Variants in ARAP2 observed in about 807,000 individuals in gnomAD.
The protein encoded by ARAP2 is arf-GAP with Rho-GAP domain, ANK repeat and PH domain-containing protein 2.
In ARAP2, 148 loss-of-function variants were observed where a neutral mutation model predicts 194.5. That is an observed-to-expected ratio of 0.76 (90% CI 0.67 to 0.87). The LOEUF (loss-of-function observed/expected upper bound fraction) is 0.87. ARAP2 is among the 40% of genes least tolerant of loss of function. The pLI, the probability that ARAP2 is intolerant of heterozygous loss-of-function variation, is 0.00. For synonymous variants in ARAP2, 695 were observed against 683.5 expected (o/e 1.02, Z -0.26); for missense variants, 2,128 against 1,989.7 (o/e 1.07, Z -1.32).
chr4:36,083,815 C>T (rs1730182624), intron 28 of ARAP2, among the ~76,000 whole-genome samples: 1 of 152,062 alleles, frequency 6.6e-6, no homozygotes, highest in Non-Finnish European at 1.5e-5. Context: ...GGTATTGTTC[C>T]TGGGTGTGTC....
At chr4:36,061,652 T>G (rs1724462438), downstream of ARAP2, among the ~76,000 whole-genome samples, 1 of 152,206 alleles carries the variant, frequency 6.6e-6, no homozygotes, top group African/African-American at 2.4e-5. Flanking sequence ...TTAGATATAC[T>G]TATTTCCTTT....
chr4:36,228,802 A>T lies in ARAP2; in HGVS notation c.685T>A (p.Ser229Thr), dbSNP rs1315832965. The change falls in exon 2 of 33, where the codon TCT becomes ACT. Residue 229 changes from serine (S) to threonine (T), a missense_variant. Coordinates refer to ENST00000303965, the MANE Select transcript of ARAP2 (RefSeq NM_015230.4). ...AATAAACCATTTGTTCCATTTCCAG[A>T]ATTTGTTCCTGATGTTGAACAGCCA... ...FVGCSTSGTN[S>T]GNGTNGLLEG... 2.5e-6 allele frequency: 4 copies of T among 1,614,146 alleles called. No homozygotes were observed. In the East Asian group the frequency reaches 8.9e-5, roughly 36 times the overall value.
intron 32 of ARAP2, among the ~76,000 whole-genome samples, chr4:36,072,556 T>C (rs1727243573): frequency 1.3e-5 from 2 of 151,970 alleles, no homozygotes; most frequent in Non-Finnish European, 2.9e-5. Context: ...TAGTTTCATC[T>C]GTTCAGCCTG....
chr4:36,069,329 T>C (rs1001579826), intron 32 of ARAP2, among the ~76,000 whole-genome samples: 17 of 152,172 alleles, frequency 1.1e-4, no homozygotes, highest in African/African-American at 4.1e-4. Flanking sequence ...CTCTGAAATT[T>C]ATAGGAAGAA....
In ARAP2 at chr4:36,054,974, A is replaced by G. The variant is rs1251519815; in HGVS notation, n.322-2921T>C. On this transcript the variant is annotated intron_variant and non_coding_transcript_variant, in intron 2 of 12. Coordinates refer to the ARAP2 transcript ENST00000503225. ...TTTGCAGTAGTAATTTAAAATGTGTATTGCTAGGAATTCACTATTTAAGTT... is the reference window on the plus strand; with the variant it reads ...TTTGCAGTAGTAATTTAAAATGTGTGTTGCTAGGAATTCACTATTTAAGTT... Among the ~76,000 whole-genome samples, 3 of 152,186 alleles carry G rather than the reference A, an allele frequency of 2.0e-5. No individual in the cohort carries two copies. The South Asian group carries it at 6.2e-4, about 32-fold the overall frequency.
At chr4:36,186,279 A>T (rs1451765734) in intron 8 of ARAP2, among the ~76,000 whole-genome samples, 2 of 152,218 alleles carry the variant, frequency 1.3e-5, no homozygotes, top group Non-Finnish European at 2.9e-5. Flanking sequence ...CAAATAAAAT[A>T]CACAACAGAG....
rs73809145 is a variant in ARAP2, at chr4:36,159,138, C to G, written c.2617+193G>C. Among the ~76,000 whole-genome samples the G allele has an allele frequency of 6.3e-3, 955 of 152,258 alleles. 11 individuals carry two copies. The highest frequency in any genetic ancestry group is 0.022 in the African/African-American group (907 of 41,548). On this transcript the variant is annotated intron_variant, in intron 14 of 32. Coordinates refer to ENST00000303965, the MANE Select transcript of ARAP2 (RefSeq NM_015230.4). ...TCTTACATTTATAAGATTACGGGAACATAAAAGATTGACTTCCTAAACTTT... is the reference window on the plus strand; with the variant it reads ...TCTTACATTTATAAGATTACGGGAAGATAAAAGATTGACTTCCTAAACTTT...
intron 22 of ARAP2, among the ~76,000 whole-genome samples, chr4:36,124,634 A>G (rs1382339890): frequency 6.6e-6 from 1 of 151,906 alleles, no homozygotes; most frequent in African/African-American, 2.4e-5. Context: ...AAACCAAGTG[A>G]GTTTTTAAAT....
intron 26 of ARAP2, among the ~76,000 whole-genome samples, chr4:36,111,381 G>A (rs1036434701): frequency 6.6e-6 from 1 of 151,722 alleles, no homozygotes; most frequent in Non-Finnish European, 1.5e-5. Context: ...CATAACCACA[G>A]GCCCTTCTGT....
chr4:36,043,845 G>GAAGGCAA (rs1560311674), intron 5 of ARAP2, among the ~76,000 whole-genome samples: 1 of 35,912 alleles, frequency 2.8e-5, no homozygotes, highest in Non-Finnish European at 5.4e-5. Flanking sequence ...GGAGGGGAGG[G>GAAGGCAA]GGGAGGGGAG....
At chr4:36,088,319 A>C (rs1712494287) in intron 28 of ARAP2, among the ~76,000 whole-genome samples, 1 of 152,074 alleles carries the variant, frequency 6.6e-6, no homozygotes, top group Non-Finnish European at 1.5e-5. Flanking sequence ...ACACAATTCT[A>C]TCAGATTCAG....
chr4:36,152,488 T>TA (rs956525866), intron 15 of ARAP2, among the ~76,000 whole-genome samples: 1 of 152,116 alleles, frequency 6.6e-6, no homozygotes, highest in Non-Finnish European at 1.5e-5. Flanking sequence ...AGAGAATAAA[T>TA]AAAAAATGCA....
chr4:36,160,166 A>T, intron 13 of ARAP2: 1 of 1,039,710 alleles, frequency 9.6e-7, no homozygotes, highest in South Asian at 3.9e-5. Flanking sequence ...TTCCCACATT[A>T]TATCAGTCCT....
intron 28 of ARAP2, among the ~76,000 whole-genome samples, chr4:36,086,461 A>G (rs1484493506): frequency 6.6e-6 from 1 of 152,132 alleles, no homozygotes; most frequent in Non-Finnish European, 1.5e-5. Context: ...GTAGAAACAC[A>G]TTCTTTTCCA....
At chr4:36,140,426 T>C (rs1252471339) in intron 19 of ARAP2, among the ~76,000 whole-genome samples, 1 of 151,710 alleles carries the variant, frequency 6.6e-6, no homozygotes, top group Non-Finnish European at 1.5e-5. Context: ...TAAAAACCTG[T>C]GGGAGTGGTG....
chr4:36,240,779 A>T (rs775964416), intron 1 of ARAP2, among the ~76,000 whole-genome samples: 4 of 152,212 alleles, frequency 2.6e-5, no homozygotes, highest in Non-Finnish European at 5.9e-5. Flanking sequence ...GGATTGTCTA[A>T]GCTATGTTTT....
intron 24 of ARAP2, among the ~76,000 whole-genome samples, chr4:36,118,394 G>T (rs566639089): frequency 6.6e-6 from 1 of 150,608 alleles, no homozygotes; most frequent in African/African-American, 2.4e-5. Flanking sequence ...CAAAGAGACT[G>T]AATGTCAGAA....
At chr4:36,184,700 A>G (rs1175884844) in intron 8 of ARAP2, among the ~76,000 whole-genome samples, 2 of 152,228 alleles carry the variant, frequency 1.3e-5, no homozygotes, top group Non-Finnish European at 2.9e-5. Context: ...TAGTGTGTCT[A>G]TCTTAAAATG....
At chr4:36,147,435 T>C in intron 18 of ARAP2, 76 bp from the exon 19 acceptor site, 1 of 1,570,978 alleles carries the variant, frequency 6.4e-7, no homozygotes, top group Non-Finnish European at 8.7e-7. Context: ...CAAATATTAA[T>C]ACTGCTTAGT....
Sources: allele counts gnomAD v4.1 joint callset (sites outside exome capture counted in the v4.1 genomes callset), GRCh38; gene constraint gnomAD v4.1.1; transcripts MANE v1.5; gene names NCBI Gene and HGNC (gene_info 2026-07-23, HGNC 2026-07-21).